FBXW7: variants seen among roughly 807,000 people sequenced by gnomAD.
FBXW7 encodes the protein F-box and WD repeat domain containing 7.
A neutral mutation model predicts 86.3 loss-of-function variants in FBXW7; 11 were observed. The ratio of observed to expected loss-of-function variants is 0.13; its 90% CI spans 0.08 to 0.21. The LOEUF (loss-of-function observed/expected upper bound fraction) is 0.21, where lower values mean the gene tolerates loss of function less well. Ranked by LOEUF, FBXW7 falls within the 10% of genes least tolerant of loss-of-function variation. FBXW7 has a pLI of 1.00. For synonymous variants in FBXW7, 313 were observed against 297.9 expected, an observed-to-expected ratio of 1.05 and a Z score of -0.52; for missense variants, 488 against 847.4, an observed-to-expected ratio of 0.58 and a Z score of 5.27.
chr4:152,345,632 G>C (rs760050756), intron 6 of FBXW7, among the ~76,000 whole-genome samples: 1 of 152,040 alleles, frequency 6.6e-6, no homozygotes, highest in African/African-American at 2.4e-5. Flanking sequence ...TCCCTGTTGA[G>C]AGCAAGGCTT....
chr4:152,363,926 T>C (rs932904954), intron 4 of FBXW7, among the ~76,000 whole-genome samples: 2 of 152,158 alleles, frequency 1.3e-5, no homozygotes, highest in African/African-American at 4.8e-5. Context: ...GTTCTCTATA[T>C]ACAAAGCAAG....
intron 4 of FBXW7, among the ~76,000 whole-genome samples, chr4:152,364,134 A>G (rs1422805014): frequency 2.0e-5 from 3 of 152,112 alleles, no homozygotes; most frequent in African/African-American, 7.2e-5. Flanking sequence ...AAGTTAATAC[A>G]CTACTGCCAG....
rs2126475414 is a variant in FBXW7 at position 152,324,191 on chromosome 4, T to A, written c.1848A>T (p.Thr616=). 1 of 1,610,768 alleles carries A rather than the reference T, an allele frequency of 6.2e-7. No homozygotes were observed. Among genetic ancestry groups the A allele is most frequent in the Middle Eastern group, 2.0e-4 (1 of 4,886 alleles). ...AAGGTGAGTAAGACTTACCTTGCAA[T>A]GTTTGTAAACACTGTCCTGTTTTGA... ...WDIKTGQCLQ[T]LQGPNKHQSA... The change falls in exon 13 of 14, where the codon ACA becomes ACT. Residue 616 remains threonine (T), a synonymous_variant. Coordinates refer to ENST00000281708, the MANE Select transcript of FBXW7 (RefSeq NM_001349798.2).
intron 2 of FBXW7, among the ~76,000 whole-genome samples, chr4:152,469,095 T>G (rs77046409): frequency 0.014 from 2,078 of 152,120 alleles, 25 homozygotes; most frequent in Middle Eastern, 0.037. Flanking sequence ...TCAAACACAT[T>G]AAAAAGTATA....
chr4:152,387,339 G>T (rs1362322123), intron 4 of FBXW7, among the ~76,000 whole-genome samples: 1 of 152,072 alleles, frequency 6.6e-6, no homozygotes, highest in Admixed American at 6.6e-5. Context: ...AAATCCTTCT[G>T]ATCAGATAAT....
intron 4 of FBXW7, among the ~76,000 whole-genome samples, chr4:152,382,882 T>TA (rs1053237804): frequency 6.6e-6 from 1 of 152,084 alleles, no homozygotes; most frequent in African/African-American, 2.4e-5. Context: ...ACGTATGGTT[T>TA]AAAAAAAACA....
intron 4 of FBXW7, among the ~76,000 whole-genome samples, chr4:152,394,152 T>C (rs569006690): frequency 6.6e-6 from 1 of 152,236 alleles, no homozygotes; most frequent in African/African-American, 2.4e-5. Flanking sequence ...TTCATAGTGA[T>C]TGCTTCATTT....
chr4:152,493,943 T>G (rs1231775177), intron 2 of FBXW7, among the ~76,000 whole-genome samples: 1 of 152,088 alleles, frequency 6.6e-6, no homozygotes, highest in Admixed American at 6.5e-5. Flanking sequence ...ACTATTACAG[T>G]GGAATGAATA....
chr4:152,401,977 G>C (rs565403166), intron 4 of FBXW7, among the ~76,000 whole-genome samples: 16 of 152,306 alleles, frequency 1.1e-4, no homozygotes, highest in Admixed American at 9.2e-4. Flanking sequence ...TACCAGATTG[G>C]AGGGATAGAA....
chr4:152,480,170 T>C (rs997812313), intron 2 of FBXW7, among the ~76,000 whole-genome samples: 4 of 152,206 alleles, frequency 2.6e-5, no homozygotes, highest in African/African-American at 7.2e-5. Flanking sequence ...ATTTTTCAAA[T>C]AGCATGTGCT....
At chr4:152,473,192 A>G (rs958049113) in intron 2 of FBXW7, among the ~76,000 whole-genome samples, 3 of 152,218 alleles carry the variant, frequency 2.0e-5, no homozygotes, top group African/African-American at 7.2e-5. Context: ...TACAGTGAGC[A>G]GTGACCTGCA....
At chr4:152,405,557 G>C (rs775835780) in intron 4 of FBXW7, among the ~76,000 whole-genome samples, 12 of 152,190 alleles carry the variant, frequency 7.9e-5, no homozygotes, top group Non-Finnish European at 1.8e-4. Context: ...TCTATACAGA[G>C]CTAAAAATTC....
intron 6 of FBXW7, among the ~76,000 whole-genome samples, chr4:152,341,334 G>A (rs1196386056): frequency 6.6e-6 from 1 of 152,114 alleles, no homozygotes; most frequent in Non-Finnish European, 1.5e-5. Context: ...CAGCTTCACA[G>A]CATCTTTCCT....
At chr4:152,430,249 CAAT>C (rs1170983385) in intron 2 of FBXW7, among the ~76,000 whole-genome samples, 3 of 152,172 alleles carry the variant, frequency 2.0e-5, no homozygotes, top group African/African-American at 7.2e-5. Flanking sequence ...GGCCAACCAA[CAAT>C]GCTTTCTCTT....
At chr4:152,340,513 T>C (rs1005931769) in intron 6 of FBXW7, among the ~76,000 whole-genome samples, 4 of 148,652 alleles carry the variant, frequency 2.7e-5, no homozygotes, top group Admixed American at 6.8e-5. Context: ...CGGGAGGAGC[T>C]TGCAGTGAGC....
intron 6 of FBXW7, among the ~76,000 whole-genome samples, chr4:152,343,102 G>GT (rs1482079325): frequency 2.6e-5 from 4 of 152,186 alleles, no homozygotes; most frequent in South Asian, 2.1e-4. Flanking sequence ...CAATGGAGAA[G>GT]TTTTTTCTCC....
intron 4 of FBXW7, among the ~76,000 whole-genome samples, chr4:152,358,612 GA>G (rs1732625403): frequency 6.6e-6 from 1 of 152,062 alleles, no homozygotes. Flanking sequence ...TTTGTTTGTG[GA>G]ATGAACACAA....
intron 2 of FBXW7, among the ~76,000 whole-genome samples, chr4:152,533,083 G>C (rs1049815070): frequency 6.6e-6 from 1 of 152,036 alleles, no homozygotes; most frequent in Non-Finnish European, 1.5e-5. Flanking sequence ...CCAGCTATTT[G>C]GGAGGCTGAG....
chr4:152,494,521 G>GT (rs1403704510), intron 2 of FBXW7, among the ~76,000 whole-genome samples: 1 of 152,098 alleles, frequency 6.6e-6, no homozygotes, highest in African/African-American at 2.4e-5. Flanking sequence ...CATTCAGGTG[G>GT]TATAGGAATG....
Sources: gnomAD v4.1 joint callset for allele counts (sites outside exome capture counted in the v4.1 genomes callset) on GRCh38, gnomAD v4.1.1 for gene constraint, MANE v1.5 for transcripts, NCBI Gene and HGNC (gene_info 2026-07-23, HGNC 2026-07-21) for gene names.